The following RUFY4 variants were observed in gnomAD, a reference collection of about 807,000 sequenced individuals.
RUFY4 encodes RUN and FYVE domain-containing protein 4.
RUFY4 carries 73 observed loss-of-function variants against 69.0 expected under a neutral mutation model. The ratio of observed to expected loss-of-function variants is 1.06; its 90% confidence interval spans 0.88 to 1.29. RUFY4 has a LOEUF of 1.29. Ranked by LOEUF, RUFY4 falls within the 50% of genes most tolerant of loss-of-function variation. The pLI is 0.00. For missense variants in RUFY4, 770 were observed against 705.6 expected, an observed-to-expected ratio of 1.09 and a Z score of -1.03; for synonymous variants, 287 against 271.8, an observed-to-expected ratio of 1.06 and a Z score of -0.55.
At chr2:218,075,611 G>A (rs753402472) in exon 7 of RUFY4, 6 of 1,522,716 alleles carry the variant, frequency 3.9e-6, no homozygotes, top group Non-Finnish European at 5.3e-6. Context: ...TCCTGGGGGA[G>A]CCCTGGGTCC....
chr2:218,070,966 A>G (rs1187305297), intron 2 of RUFY4, 107 bp downstream of exon 4: 22 of 787,464 alleles, frequency 2.8e-5, no homozygotes, highest in Non-Finnish European at 4.2e-5. Context: ...CTTACCATGC[A>G]CTGTGTCATC....
intron 9 of RUFY4, among the ~76,000 whole-genome samples, chr2:218,085,064 A>C (rs752263104): frequency 6.6e-6 from 1 of 152,210 alleles, no homozygotes; most frequent in African/African-American, 2.4e-5. Flanking sequence ...AGAAAGAAAG[A>C]AAGAAAATTA....
intron 2 of RUFY4, among the ~76,000 whole-genome samples, chr2:218,043,309 T>C (rs1176943845): frequency 6.6e-6 from 1 of 151,946 alleles, no homozygotes; most frequent in Non-Finnish European, 1.5e-5. Flanking sequence ...CAGGAGGCCC[T>C]GAAGAGGATA....
chr2:218,063,521 C>T (rs1190506115), intron 3 of RUFY4, among the ~76,000 whole-genome samples: 2 of 152,208 alleles, frequency 1.3e-5, no homozygotes, highest in African/African-American at 4.8e-5. Context: ...AACCCCCATC[C>T]TAGGGATATA....
intron 8 of RUFY4, among the ~76,000 whole-genome samples, chr2:218,081,668 C>G (rs1471018192): frequency 1.3e-5 from 2 of 152,168 alleles, no homozygotes; most frequent in African/African-American, 2.4e-5. Context: ...GGCAAGTAAA[C>G]TGGCTCAGGA....
intron 2 of RUFY4, among the ~76,000 whole-genome samples, chr2:218,057,517 A>G (rs1689089576): frequency 6.6e-6 from 1 of 152,184 alleles, no homozygotes; most frequent in Non-Finnish European, 1.5e-5. Flanking sequence ...TTAATTTTTT[A>G]AGGTTCTTCT....
At chr2:218,078,412 G>C (rs146112178) in intron 8 of RUFY4, among the ~76,000 whole-genome samples, 4 of 152,118 alleles carry the variant, frequency 2.6e-5, no homozygotes, top group African/African-American at 9.7e-5. Flanking sequence ...GATGGAGGAC[G>C]GGCAGGGCAG....
chr2:218,074,986 C>G, intron 6 of RUFY4, 107 bp from the exon 9 acceptor site: 1 of 1,198,480 alleles, frequency 8.3e-7, no homozygotes, highest in Non-Finnish European at 1.1e-6. Flanking sequence ...GACCTGGTAC[C>G]TATCTATTTA....
chr2:218,075,527 G>A, exon 7 of RUFY4: 3 of 1,553,724 alleles, frequency 1.9e-6, no homozygotes, highest in Non-Finnish European at 2.6e-6. Flanking sequence ...TCCAGAGGCT[G>A]CTGATGCCCA....
chr2:218,067,932 G>A (rs1219752103), upstream of RUFY4, among the ~76,000 whole-genome samples: 3 of 152,202 alleles, frequency 2.0e-5, no homozygotes, highest in South Asian at 4.1e-4. Context: ...CCCACCAACA[G>A]GGAGTCCTGA....
chr2:218,040,709 T>C (rs1174937378), intron 2 of RUFY4, among the ~76,000 whole-genome samples: 2 of 152,124 alleles, frequency 1.3e-5, no homozygotes, highest in Non-Finnish European at 2.9e-5. Context: ...TGCCCTAAGA[T>C]TTTGTCTTTG....
intron 3 of RUFY4, chr2:218,061,541 C>T (rs970991649): frequency 1.0e-4 from 16 of 159,304 alleles, no homozygotes; most frequent in South Asian, 1.8e-4. Context: ...TTGTATATTA[C>T]ATGGAAGTAA....
intron 2 of RUFY4, among the ~76,000 whole-genome samples, chr2:218,042,120 G>C (rs980453488): frequency 1.3e-5 from 2 of 152,186 alleles, no homozygotes; most frequent in Non-Finnish European, 2.9e-5. Context: ...TGAGTGGCTG[G>C]TGGGAACCAC....
chr2:218,075,788 T>C (rs370873713), intron 7 of RUFY4, 48 bp downstream of exon 9: 146 of 1,366,634 alleles, frequency 1.1e-4, no homozygotes, highest in Non-Finnish European at 1.3e-4. Flanking sequence ...CTGTCTGACC[T>C]GGCCCACAGA....
At chr2:218,062,550 A>C (rs1478599386) in intron 3 of RUFY4, among the ~76,000 whole-genome samples, 1 of 151,900 alleles carries the variant, frequency 6.6e-6, no homozygotes, top group Admixed American at 6.6e-5. Context: ...ATCTCTACTA[A>C]ACTACAAAAA....
upstream of RUFY4, chr2:218,070,356 G>A (rs1689454821): frequency 1.8e-6 from 1 of 566,008 alleles, no homozygotes; most frequent in Non-Finnish European, 3.2e-6. Context: ...TCAAGTGTTA[G>A]CACAGTGTCG....
intron 2 of RUFY4, among the ~76,000 whole-genome samples, chr2:218,043,697 G>A (rs1214210953): frequency 6.6e-6 from 1 of 152,212 alleles, no homozygotes; most frequent in Admixed American, 6.5e-5. Flanking sequence ...ACAAGAAAAA[G>A]CACCACAAGC....
intron 9 of RUFY4, among the ~76,000 whole-genome samples, chr2:218,087,043 A>G (rs1305395587): frequency 6.6e-6 from 1 of 152,198 alleles, no homozygotes; most frequent in Non-Finnish European, 1.5e-5. Flanking sequence ...AAATATATAT[A>G]TGTATTATCT....
In RUFY4 at chr2:218,075,540, C is replaced by T. The variant is rs1018871299; in HGVS notation, c.1048C>T (p.Pro350Ser). The T allele has an allele frequency of 1.9e-6, 3 of 1,541,674 alleles. No homozygotes were observed. In the African/African-American group the frequency reaches 4.1e-5, roughly 21 times the overall value. The change falls in exon 7 of 11, where the codon CCC (proline) becomes TCC (serine). Residue 350 changes from proline (P) to serine (S), a missense_variant. Transcript: ENST00000344321. Reference sequence around the variant, plus strand: ...CGTCCAGAGGCTGCTGATGCCCAGCCCCAGAGGGGCTGTAGAGGGAGCAGT... The same window carrying T: ...CGTCCAGAGGCTGCTGATGCCCAGCTCCAGAGGGGCTGTAGAGGGAGCAGT...
Sources: gnomAD v4.1 joint callset for allele counts (sites outside exome capture counted in the v4.1 genomes callset) on GRCh38, gnomAD v4.1.1 for gene constraint, MANE v1.5 for transcripts, NCBI Gene and HGNC (gene_info 2026-07-23, HGNC 2026-07-21) for gene names.